Variants in FAM120A observed in about 807,000 individuals in gnomAD.
The protein encoded by FAM120A is constitutive coactivator of PPAR-gamma-like protein 1.
In FAM120A, 15 loss-of-function variants were observed where a neutral mutation model predicts 109.7. That is an observed-to-expected ratio of 0.14 (90% CI 0.09 to 0.21). FAM120A has a LOEUF of 0.21. FAM120A is among the 10% of genes least tolerant of loss of function. The pLI is 1.00. For synonymous variants in FAM120A, 493 were observed against 572.8 expected (o/e 0.86, Z 1.99); for missense variants, 899 against 1,439.3 (o/e 0.62, Z 6.07).
chr9:93,472,146 G>C (rs28403269), intron 2 of FAM120A, among the ~76,000 whole-genome samples: 12,459 of 151,850 alleles, frequency 0.082, 910 homozygotes, highest in African/African-American at 0.19. Context: ...TATAATCCTA[G>C]CTACTTGGGA....
chr9:93,496,882 A>G (rs1402516482), intron 3 of FAM120A, among the ~76,000 whole-genome samples: 1 of 152,122 alleles, frequency 6.6e-6, no homozygotes, highest in East Asian at 1.9e-4. Context: ...TCTTTATTTG[A>G]TATTCTTTGT....
At chr9:93,463,737 G>GT (rs1564307658) in intron 1 of FAM120A, among the ~76,000 whole-genome samples, 1 of 152,220 alleles carries the variant, frequency 6.6e-6, no homozygotes, top group African/African-American at 2.4e-5. Flanking sequence ...GCTGGAGGAT[G>GT]TGTCACATTG....
intron 12 of FAM120A, among the ~76,000 whole-genome samples, chr9:93,553,232 G>A (rs998829109): frequency 7.9e-5 from 12 of 152,180 alleles, no homozygotes; most frequent in African/African-American, 2.9e-4. Context: ...TTTGAGGAGG[G>A]TGGGTAAAGG....
chr9:93,493,478 A>G (rs1859425683), intron 3 of FAM120A, among the ~76,000 whole-genome samples: 1 of 152,230 alleles, frequency 6.6e-6, no homozygotes, highest in Admixed American at 6.5e-5. Context: ...ATATTAAACA[A>G]TCTCCATTTG....
intron 5 of FAM120A, among the ~76,000 whole-genome samples, chr9:93,506,734 A>C (rs1860078032): frequency 6.6e-6 from 1 of 152,012 alleles, no homozygotes; most frequent in African/African-American, 2.4e-5. Flanking sequence ...AGTAGCTGGG[A>C]TTACAGGTGC....
intron 1 of FAM120A, among the ~76,000 whole-genome samples, chr9:93,462,031 TCAC>T (rs1188152061): frequency 6.6e-6 from 1 of 152,164 alleles, no homozygotes; most frequent in East Asian, 1.9e-4. Flanking sequence ...AAAAGAAGTG[TCAC>T]CCTTTGATAC....
chr9:93,564,635 T>C lies in FAM120A; in HGVS notation c.*95T>C, dbSNP rs1862579509. ...GCCTGCAGTTATGTACATTTTGTCC[T>C]TTCCGTAAGAGAAAAATGAGGACTT... On this transcript the variant is annotated 3_prime_UTR_variant, in exon 18 of 18. Transcript: ENST00000277165. 2 of 1,033,948 alleles carry C rather than the reference T, an allele frequency of 1.9e-6. No homozygotes were observed. Among genetic ancestry groups the C allele is most frequent in the Admixed American group, 2.9e-5 (1 of 34,378 alleles). The allele number at this position is 1,033,948 out of a possible 1,614,324, so 64.0% of individuals were successfully genotyped here. A position where few individuals can be genotyped will look rare whatever the true frequency, so the allele number is the denominator to read the frequency against.
chr9:93,547,508 C>G (rs900487566), intron 11 of FAM120A, among the ~76,000 whole-genome samples: 3 of 152,130 alleles, frequency 2.0e-5, no homozygotes. Context: ...GAGATGGGGT[C>G]AAGGTCAGCC....
chr9:93,474,383 G>A (rs1858454359), intron 2 of FAM120A, among the ~76,000 whole-genome samples: 1 of 151,888 alleles, frequency 6.6e-6, no homozygotes, highest in Non-Finnish European at 1.5e-5. Flanking sequence ...GGCTGGAAAA[G>A]TTTCACTGTG....
At chr9:93,555,839 A>G (rs1023512122) in intron 12 of FAM120A, among the ~76,000 whole-genome samples, 2 of 152,256 alleles carry the variant, frequency 1.3e-5, no homozygotes, top group Admixed American at 1.3e-4. Context: ...ATAAGTTGCA[A>G]TTAAAAACCT....
intron 11 of FAM120A, 131 bp from the exon 12 acceptor site, chr9:93,550,445 GC>G: frequency 1.6e-6 from 1 of 642,474 alleles, no homozygotes; most frequent in South Asian, 1.8e-5. Flanking sequence ...AAGTAGAAAA[GC>G]TGAATAAGAA....
At chr9:93,528,545 C>T (rs1206214394) in intron 8 of FAM120A, among the ~76,000 whole-genome samples, 1 of 152,218 alleles carries the variant, frequency 6.6e-6, no homozygotes, top group East Asian at 1.9e-4. Context: ...CAGTCCATCA[C>T]TGTGGTAATA....
chr9:93,479,130 G>A (rs1858686084), intron 3 of FAM120A, among the ~76,000 whole-genome samples: 1 of 116,536 alleles, frequency 8.6e-6, no homozygotes, highest in Non-Finnish European at 1.6e-5. Context: ...ACGGAGTCTC[G>A]CTCTGTCGCC....
At position 93,543,452 on chromosome 9, in the gene FAM120A, G is replaced by A. The variant is rs948755453; in HGVS notation, c.2140G>A (p.Val714Met). 5.0e-6 allele frequency: 8 copies of A among 1,614,036 alleles called. No individual in the cohort carries two copies. Among genetic ancestry groups the A allele is most frequent in the Non-Finnish European group, 6.8e-6 (8 of 1,180,026 alleles). Residue 714 changes from valine (V) to methionine (M), a missense_variant, in exon 11 of 18, where the codon GTG becomes ATG. By Grantham distance (21) the Val-to-Met change is conservative (BLOSUM62 1). This residue lies in a region of FAM120A where 133 missense variants were observed against 276.6 expected (regional missense o/e 0.48). Transcript: ENST00000277165. ...TGCCAACGTGCCCACTCACCTCATGGTGCTCTGCTGCGTCTTACGGTGGGT... is the reference window on the plus strand; with the variant it reads ...TGCCAACGTGCCCACTCACCTCATGATGCTCTGCTGCGTCTTACGGTGGGT... ...NPANVPTHLM[V>M]LCCVLRYMVQ... is the part of the protein sequence containing the mutation.
intron 3 of FAM120A, among the ~76,000 whole-genome samples, chr9:93,477,397 G>T (rs998435595): frequency 6.6e-6 from 1 of 152,090 alleles, no homozygotes; most frequent in Non-Finnish European, 1.5e-5. Flanking sequence ...CACCCTAATG[G>T]GGTTTGGTAT....
At chr9:93,523,619 G>A (rs1046727583) in intron 7 of FAM120A, among the ~76,000 whole-genome samples, 1 of 152,164 alleles carries the variant, frequency 6.6e-6, no homozygotes, top group Non-Finnish European at 1.5e-5. Context: ...TAAGACAAAC[G>A]TGTTGACACA....
intron 5 of FAM120A, among the ~76,000 whole-genome samples, chr9:93,507,875 G>A (rs1450706710): frequency 2.0e-5 from 3 of 152,214 alleles, no homozygotes; most frequent in South Asian, 2.1e-4. Flanking sequence ...ATAGAAATTC[G>A]TAGAAGAGGA....
chr9:93,480,634 T>C (rs1207889208), intron 3 of FAM120A, among the ~76,000 whole-genome samples: 1 of 151,988 alleles, frequency 6.6e-6, no homozygotes, highest in Admixed American at 6.5e-5. Flanking sequence ...ACTCCTGGAA[T>C]GCCTCCCAAA....
chr9:93,488,928 C>G (rs1029110083), intron 3 of FAM120A, among the ~76,000 whole-genome samples: 3 of 151,208 alleles, frequency 2.0e-5, no homozygotes, highest in Admixed American at 2.0e-4. Context: ...AAATTCAGGT[C>G]TGATCTCATC....
Sources: allele counts gnomAD v4.1 joint callset (sites outside exome capture counted in the v4.1 genomes callset), GRCh38; gene constraint gnomAD v4.1.1; regional missense constraint gnomAD v4.1.1; transcripts MANE v1.5; gene names NCBI Gene and HGNC (gene_info 2026-07-23, HGNC 2026-07-21).